Variants in LRMDA observed in about 807,000 individuals in gnomAD.
The protein encoded by LRMDA is leucine rich melanocyte differentiation associated, also known as leucine-rich melanocyte differentiation-associated protein.
A neutral mutation model predicts 29.8 loss-of-function variants in LRMDA; 18 were observed. The observed-to-expected ratio is 0.60, with a 90% CI of 0.42 to 0.90. The LOEUF is 0.90. LRMDA is among the 40% of genes least tolerant of loss of function. The pLI is 0.00. For missense variants in LRMDA, 273 were observed against 273.9 expected, an observed-to-expected ratio of 1.00 and a Z score of 0.02; for synonymous variants, 125 against 109.4, an observed-to-expected ratio of 1.14 and a Z score of -0.89.
intron 5 of LRMDA, among the ~76,000 whole-genome samples, chr10:76,160,629 A>G (rs752404636): frequency 1.3e-5 from 2 of 152,070 alleles, no homozygotes; most frequent in Non-Finnish European, 2.9e-5. Context: ...TATACTTACA[A>G]TTTTTTTGAA....
intron 5 of LRMDA, among the ~76,000 whole-genome samples, chr10:76,219,556 G>C (rs1851791396): frequency 6.6e-6 from 1 of 152,200 alleles, no homozygotes; most frequent in African/African-American, 2.4e-5. Flanking sequence ...AATTCAACAA[G>C]AAGAGCTAAC....
At chr10:76,370,382 C>T (rs1408490340) in intron 6 of LRMDA, among the ~76,000 whole-genome samples, 1 of 152,154 alleles carries the variant, frequency 6.6e-6, no homozygotes, top group Non-Finnish European at 1.5e-5. Context: ...GCTGATGTTG[C>T]TATCTACAAA....
At chr10:75,846,765 A>G (rs1167526705) in intron 2 of LRMDA, among the ~76,000 whole-genome samples, 1 of 152,330 alleles carries the variant, frequency 6.6e-6, no homozygotes, top group East Asian at 1.9e-4. Flanking sequence ...AAACCCATTT[A>G]TAATAGCATC....
intron 5 of LRMDA, among the ~76,000 whole-genome samples, chr10:76,096,378 C>T (rs528809053): frequency 6.6e-6 from 1 of 151,876 alleles, no homozygotes; most frequent in Admixed American, 6.6e-5. Flanking sequence ...GTTGAAAAGG[C>T]CTGCCTTTCT....
At chr10:76,530,476 A>T (rs957762207) in intron 6 of LRMDA, among the ~76,000 whole-genome samples, 1 of 152,190 alleles carries the variant, frequency 6.6e-6, no homozygotes, top group Non-Finnish European at 1.5e-5. Flanking sequence ...AAATAATATT[A>T]GTTATCTCAT....
chr10:75,921,144 C>T (rs1445614141), intron 2 of LRMDA, among the ~76,000 whole-genome samples: 1 of 152,168 alleles, frequency 6.6e-6, no homozygotes, highest in Admixed American at 6.5e-5. Context: ...TGCCAAGTTG[C>T]TGGAGACCTG....
chr10:76,273,529 T>C (rs1431205192), intron 5 of LRMDA, among the ~76,000 whole-genome samples: 1 of 152,230 alleles, frequency 6.6e-6, no homozygotes, highest in African/African-American at 2.4e-5. Flanking sequence ...ATTGCTTGTG[T>C]GTAAGTTTCC....
At chr10:76,392,424 T>G (rs775672698) in intron 6 of LRMDA, among the ~76,000 whole-genome samples, 1 of 152,134 alleles carries the variant, frequency 6.6e-6, no homozygotes, top group Non-Finnish European at 1.5e-5. Context: ...ATAATACAGA[T>G]TGAGTATCCC....
intron 6 of LRMDA, among the ~76,000 whole-genome samples, chr10:76,495,066 C>G (rs1202178089): frequency 6.6e-6 from 1 of 151,802 alleles, no homozygotes; most frequent in Non-Finnish European, 1.5e-5. Flanking sequence ...GCTATCAACT[C>G]TAAGAACTCT....
intron 5 of LRMDA, among the ~76,000 whole-genome samples, chr10:76,230,524 G>A (rs1223220195): frequency 1.4e-5 from 2 of 146,968 alleles, no homozygotes; most frequent in Non-Finnish European, 3.0e-5. Flanking sequence ...AAAACAACTA[G>A]CATGATTTTA....
At chr10:75,560,572 T>A (rs973617589) in intron 2 of LRMDA, among the ~76,000 whole-genome samples, 2 of 151,786 alleles carry the variant, frequency 1.3e-5, no homozygotes, top group African/African-American at 4.8e-5. Context: ...AACACTATGT[T>A]GAATAGGAGT....
chr10:75,546,552 A>AT (rs1418245589), intron 2 of LRMDA, among the ~76,000 whole-genome samples: 2 of 152,004 alleles, frequency 1.3e-5, no homozygotes, highest in African/African-American at 2.4e-5. Flanking sequence ...TTTTATCTGT[A>AT]TTTTTTTCTG....
At chr10:76,249,550 C>T (rs1852435345) in intron 5 of LRMDA, among the ~76,000 whole-genome samples, 1 of 152,124 alleles carries the variant, frequency 6.6e-6, no homozygotes. Context: ...GAATGGAATC[C>T]TACAGCCAAG....
chr10:75,837,064 A>G (rs143888015), intron 2 of LRMDA, among the ~76,000 whole-genome samples: 1 of 152,336 alleles, frequency 6.6e-6, no homozygotes, highest in East Asian at 1.9e-4. Context: ...ATCTATATTG[A>G]TATACTGATA....
At chr10:75,994,795 G>A (rs1336847900) in intron 2 of LRMDA, among the ~76,000 whole-genome samples, 1 of 152,150 alleles carries the variant, frequency 6.6e-6, no homozygotes, top group African/African-American at 2.4e-5. Flanking sequence ...TGTCACATTA[G>A]CTTCCAAGTT....
intron 6 of LRMDA, among the ~76,000 whole-genome samples, chr10:76,429,418 A>G (rs545188172): frequency 6.6e-6 from 1 of 152,272 alleles, no homozygotes; most frequent in African/African-American, 2.4e-5. Flanking sequence ...TTGCATGTCA[A>G]TAAAGTAATT....
chr10:76,185,459 G>C lies in LRMDA; in HGVS notation c.516+126676G>C, dbSNP rs1589367689. On this transcript the variant is annotated intron_variant, in intron 5 of 6. Coordinates refer to ENST00000611255, the MANE Select transcript of LRMDA (RefSeq NM_001305581.2). ...TCTTTCAAAGAGATTGTGAGGACTG[G>C]ACAAAGTGGTGGTTTGAAAATATTT... Among the ~76,000 whole-genome samples, 16 of 152,300 alleles carry C rather than the reference G, an allele frequency of 1.1e-4. No homozygotes were observed. In the South Asian group the frequency reaches 3.3e-3, roughly 32 times the overall value.
intron 3 of LRMDA, 73 bp from the exon 4 acceptor site, chr10:76,047,091 G>T: frequency 6.5e-7 from 1 of 1,540,986 alleles, no homozygotes; most frequent in East Asian, 2.3e-5. Flanking sequence ...ACTCATCAGC[G>T]CCTGTCAGTC....
At chr10:76,166,550 A>T (rs192648482) in intron 5 of LRMDA, among the ~76,000 whole-genome samples, 37 of 152,206 alleles carry the variant, frequency 2.4e-4, no homozygotes, top group African/African-American at 8.9e-4. Flanking sequence ...GCTCCTACTT[A>T]TCAGTAAGAA....
Sources: gnomAD v4.1 joint callset for allele counts (sites outside exome capture counted in the v4.1 genomes callset) on GRCh38, gnomAD v4.1.1 for gene constraint, MANE v1.5 for transcripts, NCBI Gene and HGNC (gene_info 2026-07-23, HGNC 2026-07-21) for gene names.